The following VPS13C variants were observed in gnomAD, a reference collection of about 807,000 sequenced individuals.
The protein encoded by VPS13C is vacuolar protein sorting 13 homolog C.
VPS13C carries 358 observed loss-of-function variants against 456.8 expected under a neutral mutation model. The ratio of observed to expected loss-of-function variants is 0.78; its 90% confidence interval spans 0.72 to 0.86. VPS13C has a LOEUF of 0.86. Ranked by LOEUF, VPS13C falls within the 40% of genes least tolerant of loss-of-function variation. The probability of loss-of-function intolerance (pLI) is 0.00; values close to 1 mark genes in which losing one functional copy is unlikely to be tolerated. For missense variants in VPS13C, 4,818 were observed against 4,385.4 expected (o/e 1.10, Z -2.79); for synonymous variants, 1,578 against 1,486.7 (o/e 1.06, Z -1.41).
At chr15:61,908,677 T>G (rs2043214379) in intron 65 of VPS13C, among the ~76,000 whole-genome samples, 1 of 152,172 alleles carries the variant, frequency 6.6e-6, no homozygotes, top group Admixed American at 6.5e-5. Flanking sequence ...TAAAAAGCTC[T>G]AAAAGCCCAA....
At chr15:62,053,923 C>T (rs773148055) in intron 1 of VPS13C, among the ~76,000 whole-genome samples, 11 of 152,116 alleles carry the variant, frequency 7.2e-5, no homozygotes, top group Middle Eastern at 3.2e-3. Context: ...TTCCTGGTCA[C>T]CAGAGTCACC....
At chr15:61,913,200 T>C in intron 62 of VPS13C, 111 bp downstream of exon 62, 3 of 946,626 alleles carry the variant, frequency 3.2e-6, no homozygotes, top group Non-Finnish European at 3.3e-6. Context: ...CAAAGGACTA[T>C]AAATCATGCT....
chr15:61,964,001 C>T (rs773696114), intron 31 of VPS13C, 50 bp from the exon 32 acceptor site: 9 of 1,238,426 alleles, frequency 7.3e-6, no homozygotes, highest in Non-Finnish European at 1.0e-5. Flanking sequence ...TAGTCATCTA[C>T]ATTCTTTTAA....
chr15:62,029,342 C>T (rs2047736450), intron 5 of VPS13C, among the ~76,000 whole-genome samples: 1 of 152,054 alleles, frequency 6.6e-6, no homozygotes, highest in South Asian at 2.1e-4. Flanking sequence ...GCATGCAAAT[C>T]TCTTAAAATT....
At chr15:62,057,819 AAGC>A (rs1181294874) in intron 1 of VPS13C, among the ~76,000 whole-genome samples, 1 of 152,216 alleles carries the variant, frequency 6.6e-6, no homozygotes, top group Non-Finnish European at 1.5e-5. Flanking sequence ...CAAAATCTTC[AAGC>A]AGTATACTCC....
chr15:61,882,499 C>A, intron 69 of VPS13C, 97 bp downstream of exon 69: 3 of 1,133,844 alleles, frequency 2.6e-6, no homozygotes, highest in Non-Finnish European at 2.3e-6. Flanking sequence ...AGAAAAGATA[C>A]CAATTACAAT....
chr15:61,955,046 A>AG (rs1348479654), intron 37 of VPS13C, among the ~76,000 whole-genome samples: 24 of 152,170 alleles, frequency 1.6e-4, no homozygotes, highest in African/African-American at 5.8e-4. Context: ...GTGGGAGGTC[A>AG]GGGCCTCTTA....
chr15:61,899,570 T>A (rs2042934593), intron 66 of VPS13C, among the ~76,000 whole-genome samples: 2 of 150,036 alleles, frequency 1.3e-5, no homozygotes, highest in Admixed American at 6.6e-5. Context: ...AGGAAGAAGT[T>A]GAATCTCTGA....
chr15:61,961,631 A>G lies in VPS13C; in HGVS notation c.3866T>C (p.Ile1289Thr), dbSNP rs773518013. Residue 1289 changes from isoleucine to threonine, a missense_variant, in exon 35 of 85, where the codon ATT becomes ACT. This residue lies in a region of VPS13C where 4,552 missense variants were observed against 4,130.6 expected (regional missense o/e 1.10). Coordinates refer to ENST00000644861, the MANE Select transcript of VPS13C (RefSeq NM_020821.3). ...TGTTAGCTGCACATCCATTCTATCA[A>G]TTACTGGAGGATTTAAGTAGTCTTC... ...SDEDYLNPPV[I>T]DRMDVQLTKL... The G allele has an allele frequency of 1.9e-6, 3 of 1,612,074 alleles. No individual in the cohort carries two copies. Among genetic ancestry groups the G allele is most frequent in the East Asian group, 2.2e-5 (1 of 44,840 alleles).
chr15:61,928,236 T>C (rs1482003221), intron 51 of VPS13C, among the ~76,000 whole-genome samples: 2 of 152,188 alleles, frequency 1.3e-5, no homozygotes, highest in East Asian at 3.9e-4. Flanking sequence ...GTTCTTTTTA[T>C]CAGAATTAAA....
rs1374109969 is a variant in VPS13C, at chr15:62,050,743, A to G, written c.101-6488T>C. 4.0e-5 allele frequency among the ~76,000 whole-genome samples: 6 copies of G among 151,214 alleles called. No homozygotes were observed. The East Asian group carries it at 1.2e-3, about 30-fold the overall frequency. ...CTCGAACCAGAAGGGCAGAGGTTGC[A>G]GTGAGCCAGGATCATGCCACTGCAC... On this transcript the variant is annotated intron_variant, in intron 1 of 84. Coordinates refer to ENST00000644861, the MANE Select transcript of VPS13C (RefSeq NM_020821.3).
intron 3 of VPS13C, 78 bp downstream of exon 3, chr15:62,041,246 T>G (rs1055127448): frequency 5.4e-6 from 8 of 1,481,708 alleles, no homozygotes; most frequent in Non-Finnish European, 9.2e-7. Flanking sequence ...AATCAAAGAT[T>G]TTTTTAGGTT....
chr15:61,951,886 G>GT lies in VPS13C; in HGVS notation c.4393dup (p.Thr1465AsnfsTer3). On this transcript the variant is annotated frameshift_variant, in exon 39 of 85. Coordinates refer to ENST00000644861, the MANE Select transcript of VPS13C (RefSeq NM_020821.3). LOFTEE classifies it high-confidence loss of function. ...ATAAGCTTTAGCAGTCATGTCATAG[G>GT]TTTTAACTTTAGCTTCCATTCCAAG... The GT allele has an allele frequency of 6.2e-7, 1 of 1,613,714 alleles. No individual in the cohort carries two copies. The highest frequency in any genetic ancestry group is 8.5e-7 in the Non-Finnish European group (1 of 1,179,858).
At chr15:61,865,978 C>T (rs1281299304) in intron 81 of VPS13C, 6 of 984,102 alleles carry the variant, frequency 6.1e-6, no homozygotes, top group Non-Finnish European at 7.2e-6. Flanking sequence ...GGCCATATTA[C>T]AAAGGGCTAA....
chr15:61,968,106 A>G (rs143018839), intron 28 of VPS13C, among the ~76,000 whole-genome samples: 322 of 152,162 alleles, frequency 2.1e-3, no homozygotes, highest in Non-Finnish European at 3.1e-3. Context: ...CCTTATCTTA[A>G]CACAGGTCCT....
At chr15:61,882,175 A>G (rs1351137329) in intron 69 of VPS13C, among the ~76,000 whole-genome samples, 1 of 152,170 alleles carries the variant, frequency 6.6e-6, no homozygotes, top group Non-Finnish European at 1.5e-5. Context: ...GAGAAAAAGA[A>G]GAAGAATTAA....
At position 62,060,378 on chromosome 15, in the gene VPS13C, G is replaced by A. The variant is rs769914264; in HGVS notation, c.-4C>T. On this transcript the variant is annotated 5_prime_UTR_variant, in exon 1 of 85. Transcript: ENST00000644861. ...CGACCACCGACTCCAGCACCATGGT[G>A]GCGCTGAGGCACAAGGAGAGGGAGG... The A allele has an allele frequency of 6.5e-7, 1 of 1,548,190 alleles. No individual in the cohort carries two copies. The highest frequency in any genetic ancestry group is 8.8e-7 in the Non-Finnish European group (1 of 1,136,006).
At chr15:61,866,459 G>GT (rs1233849703) in intron 81 of VPS13C, 6 of 984,180 alleles carry the variant, frequency 6.1e-6, no homozygotes, top group Non-Finnish European at 7.2e-6. Context: ...AGTTACAGGG[G>GT]TTCTTAAAAG....
chr15:61,856,442 A>G (rs760419587), intron 82 of VPS13C, 33 bp from the exon 83 acceptor site: 1 of 1,609,718 alleles, frequency 6.2e-7, no homozygotes. Context: ...AACTTACAGT[A>G]AATGATGAAG....
Sources: gnomAD v4.1 joint callset for allele counts (sites outside exome capture counted in the v4.1 genomes callset) on GRCh38, gnomAD v4.1.1 for gene constraint, gnomAD v4.1.1 regional missense constraint, MANE v1.5 for transcripts, NCBI Gene and HGNC (gene_info 2026-07-23, HGNC 2026-07-21) for gene names.